The following CD160 variants were observed in gnomAD, a reference collection of about 807,000 sequenced individuals.
CD160 encodes CD160 antigen.
In CD160, 11 loss-of-function variants were observed where a neutral mutation model predicts 19.2. The ratio of observed to expected loss-of-function variants is 0.57; its 90% CI spans 0.36 to 0.95. CD160 has a LOEUF of 0.95. CD160 is among the 40% of genes least tolerant of loss of function. The probability of loss-of-function intolerance (pLI) is 0.01; values close to 1 mark genes in which losing one functional copy is unlikely to be tolerated. For synonymous variants in CD160, 75 were observed against 81.1 expected (o/e 0.93, Z 0.40); for missense variants, 182 against 213.2 (o/e 0.85, Z 0.91).
intron 3 of CD160, 131 bp from the exon 4 acceptor site, chr1:145,730,613 C>T (rs587727931): frequency 1.5e-5 from 10 of 681,312 alleles, no homozygotes; most frequent in South Asian, 9.5e-5. Flanking sequence ...ATTTGTATTT[C>T]CTGTCTGCCA....
rs193158482 is a variant in CD160 at position 145,731,755 on chromosome 1, T to A, written c.400+685T>A. ...GAACTCTCCCAGAAATGTGGCTATA[T>A]TTCTAAATTCAGGCAGACAACGAGA... On this transcript the variant is annotated intron_variant, in intron 4 of 5. Transcript: ENST00000369288. Among the ~76,000 whole-genome samples the A allele has an allele frequency of 1.3e-3, 194 of 152,318 alleles. 3 individuals are homozygous for A. The highest frequency in any genetic ancestry group is 4.7e-4 in the Non-Finnish European group (32 of 68,028).
chr1:145,733,857 A>G lies in CD160; in HGVS notation c.401-2140A>G, dbSNP rs587652679. Among the ~76,000 whole-genome samples, 6 of 152,172 alleles carry G rather than the reference A, an allele frequency of 3.9e-5. No individual in the cohort carries two copies. In the East Asian group the frequency reaches 7.8e-4, roughly 20 times the overall value. ...TAGTTCTCATCTACCCACGATTTAA[A>G]CCAGCATCTCCCTGCAACTGACCAG... On this transcript the variant is annotated intron_variant, in intron 4 of 5. Transcript: ENST00000369288.
rs781882526 is a variant in CD160 at position 145,736,151 on chromosome 1, C to T, written c.538+17C>T. ...CCCTTCAAGGTATGTCCAAAAGAGC[C>T]GTAAGCACCCCAAGCAATGAGGGTG... On this transcript the variant is annotated intron_variant, in intron 5 of 5. Transcript: ENST00000369288. 9.3e-6 allele frequency: 15 copies of T among 1,613,680 alleles called. No individual in the cohort carries two copies. Among genetic ancestry groups the T allele is most frequent in the Admixed American group, 6.7e-5 (4 of 59,984 alleles).
intron 4 of CD160, among the ~76,000 whole-genome samples, chr1:145,732,015 C>T (rs1222307599): frequency 1.3e-5 from 2 of 152,194 alleles, no homozygotes; most frequent in African/African-American, 4.8e-5. Flanking sequence ...TCACTCTATG[C>T]ATGCTCCCCC....
chr1:145,732,308 A>G (rs1052721627), intron 4 of CD160, among the ~76,000 whole-genome samples: 15 of 152,228 alleles, frequency 9.9e-5, no homozygotes, highest in Non-Finnish European at 1.8e-4. Flanking sequence ...CAAAGAAGCT[A>G]CCAGAGGATG....
rs1019969949 is a variant in CD160, at chr1:145,728,253, T to G, written c.-72-3T>G. The G allele has an allele frequency of 9.2e-7, 1 of 1,092,232 alleles. No homozygotes were observed. The highest frequency in any genetic ancestry group is 1.4e-6 in the Non-Finnish European group (1 of 717,682). The allele number at this position is 1,092,232 out of a possible 1,614,324, so 67.7% of individuals were successfully genotyped here. A position where few individuals can be genotyped will look rare whatever the true frequency, so the allele number is the denominator to read the frequency against. ...TGTCTAGTGGGTCCCCCTGTGCTTTTAGGAGACTGAAGCCAAGGATACCAG... is the reference window on the plus strand; with the variant it reads ...TGTCTAGTGGGTCCCCCTGTGCTTTGAGGAGACTGAAGCCAAGGATACCAG... On this transcript the variant is annotated splice_region_variant and splice_polypyrimidine_tract_variant and intron_variant, in intron 2 of 5. Coordinates refer to ENST00000369288, the MANE Select transcript of CD160 (RefSeq NM_007053.4).
At position 145,732,975 on chromosome 1, in the gene CD160, C is replaced by T. The variant is rs988465086; in HGVS notation, c.400+1905C>T. Among the ~76,000 whole-genome samples, 7 of 152,096 alleles carry T rather than the reference C, an allele frequency of 4.6e-5. No homozygotes were observed. In the East Asian group the frequency reaches 9.6e-4, roughly 21 times the overall value. Reference sequence around the variant, plus strand: ...TATCACTAGGAAGCAGCAATATGAGCATATTATTTAGGAATATAATAAGAC... The same window carrying T: ...TATCACTAGGAAGCAGCAATATGAGTATATTATTTAGGAATATAATAAGAC... On this transcript the variant is annotated intron_variant, in intron 4 of 5. Transcript: ENST00000369288.
chr1:145,723,474 T>C (rs1553708050), intron 1 of CD160, among the ~76,000 whole-genome samples: 1 of 152,230 alleles, frequency 6.6e-6, no homozygotes. Flanking sequence ...GTATATACAC[T>C]AATTTAGTTT....
At chr1:145,728,218 TG>T in intron 2 of CD160, 37 bp from the exon 3 acceptor site, 1 of 744,290 alleles carries the variant, frequency 1.3e-6, no homozygotes, top group Non-Finnish European at 2.3e-6. Context: ...CTTGGAACCC[TG>T]GAAGGCTTTG....
chr1:145,725,114 G>C (rs1448137378), intron 2 of CD160, among the ~76,000 whole-genome samples: 5 of 151,362 alleles, frequency 3.3e-5, no homozygotes, highest in Non-Finnish European at 7.4e-5. Context: ...GAATACAGCA[G>C]CACATGAAAA....
At chr1:145,727,572 C>T (rs77325828) in intron 2 of CD160, among the ~76,000 whole-genome samples, 3,536 of 151,916 alleles carry the variant, frequency 0.023, 155 homozygotes, top group African/African-American at 0.081. Flanking sequence ...TAATTACATA[C>T]AATGTAAACT....
chr1:145,720,573 T>C (rs782105900), intron 1 of CD160, among the ~76,000 whole-genome samples: 4 of 152,186 alleles, frequency 2.6e-5, no homozygotes, highest in Non-Finnish European at 5.9e-5. Flanking sequence ...TCTGGGCATC[T>C]TTTTCAGTGT....
chr1:145,731,724 A>G (rs1553709363), intron 4 of CD160, among the ~76,000 whole-genome samples: 2 of 152,152 alleles, frequency 1.3e-5, no homozygotes, highest in East Asian at 3.8e-4. Context: ...CCTGATTCCC[A>G]ATTCAGAACT....
chr1:145,738,270 T>C, intron 5 of CD160: 1 of 359,556 alleles, frequency 2.8e-6, no homozygotes, highest in Middle Eastern at 3.9e-4. Flanking sequence ...CTAGCCCCCT[T>C]CCCACTCCCA....
intron 4 of CD160, among the ~76,000 whole-genome samples, chr1:145,734,101 C>A (rs1358974348): frequency 6.6e-6 from 1 of 152,114 alleles, no homozygotes; most frequent in Non-Finnish European, 1.5e-5. Flanking sequence ...GCTGTTCTTC[C>A]GCACAGCAGT....
chr1:145,731,957 C>T (rs748593267), intron 4 of CD160, among the ~76,000 whole-genome samples: 1 of 152,138 alleles, frequency 6.6e-6, no homozygotes, highest in African/African-American at 2.4e-5. Flanking sequence ...AAACAGTTAC[C>T]GTTTCAAACT....
intron 5 of CD160, 103 bp from the exon 6 acceptor site, chr1:145,738,383 G>T: frequency 1.6e-6 from 1 of 624,698 alleles, no homozygotes; most frequent in Non-Finnish European, 2.5e-6. Flanking sequence ...CAGTCATGAG[G>T]GCCTATCACG....
At chr1:145,730,694 T>C in intron 3 of CD160, 50 bp from the exon 4 acceptor site, 1 of 1,501,656 alleles carries the variant, frequency 6.7e-7, no homozygotes, top group East Asian at 2.3e-5. Context: ...TACGGTGAAA[T>C]TCACAGAATG....
intron 1 of CD160, among the ~76,000 whole-genome samples, chr1:145,722,602 GT>G (rs1427565958): frequency 6.6e-6 from 1 of 152,092 alleles, no homozygotes; most frequent in Non-Finnish European, 1.5e-5. Context: ...TTTTATTTTT[GT>G]TTTTTCGAGA....
Sources: allele counts gnomAD v4.1 joint callset (sites outside exome capture counted in the v4.1 genomes callset), GRCh38; gene constraint gnomAD v4.1.1; transcripts MANE v1.5; gene names NCBI Gene and HGNC (gene_info 2026-07-23, HGNC 2026-07-21).